SYT3: variants seen among roughly 807,000 people sequenced by gnomAD.
SYT3 encodes synaptotagmin-3.
In SYT3, 25 loss-of-function variants were observed where a neutral mutation model predicts 50.6. That is an observed-to-expected ratio of 0.49 (90% CI 0.36 to 0.69). The LOEUF (loss-of-function observed/expected upper bound fraction) is 0.69, where lower values mean the gene tolerates loss of function less well. SYT3 is among the 30% of genes least tolerant of loss of function. The pLI, the probability that SYT3 is intolerant of heterozygous loss-of-function variation, is 0.00. For missense variants in SYT3, 589 were observed against 793.6 expected, an observed-to-expected ratio of 0.74 and a Z score of 3.10; for synonymous variants, 323 against 353.9, an observed-to-expected ratio of 0.91 and a Z score of 0.98.
chr19:50,632,716 G>A lies in SYT3; in HGVS notation c.244C>T (p.Pro82Ser). The A allele has an allele frequency of 6.3e-7, 1 of 1,585,682 alleles. No individual in the cohort carries two copies. Among genetic ancestry groups the A allele is most frequent in the Non-Finnish European group, 8.6e-7 (1 of 1,167,130 alleles). Residue 82 changes from proline to serine, a missense_variant, in exon 4 of 11, where the codon CCC (proline) becomes TCC (serine). Physicochemically the swap from Pro to Ser is moderately conservative, Grantham distance 74. Coordinates refer to ENST00000600079, the MANE Select transcript of SYT3 (RefSeq NM_001160329.2). The surrounding 1 kb of genome is among the most constrained non-coding windows in gnomAD (Gnocchi z 4.7). ...GCCGAGCCTCCCTTGTCCCGCCAGG[G>A]CACCCAGCACAACTTCCAGGACACG... Reference protein sequence around the residue: ...LFVSWKLCWVPWRDKGGSAVG... With the variant: ...LFVSWKLCWVSWRDKGGSAVG...
intron 2 of SYT3, among the ~76,000 whole-genome samples, chr19:50,638,631 A>G (rs1410150766): frequency 6.6e-6 from 1 of 152,160 alleles, no homozygotes; most frequent in African/African-American, 2.4e-5. Context: ...TTGAGAGACG[A>G]GAGGACGAGA....
At position 50,630,099 on chromosome 19, in the gene SYT3, C is replaced by A. The variant is rs10407511; in HGVS notation, c.747G>T (p.Arg249=). The change falls in exon 5 of 11, where the codon CGG becomes CGT. Residue 249 remains arginine (R), a synonymous_variant. Transcript: ENST00000600079. ...TSQPDPSSEE[R]PPALPLPLPG... ...GCAGGGGTAAGGGCAGGGCAGGTGG[C>A]CGCTCCTCACTGCTGGGGTCCGGCT... 2 of 1,611,410 alleles carry A rather than the reference C, an allele frequency of 1.2e-6. No individual in the cohort carries two copies. The highest frequency in any genetic ancestry group is 1.3e-5 in the African/African-American group (1 of 74,738).
upstream of SYT3, among the ~76,000 whole-genome samples, chr19:50,644,133 A>T (rs1181958616): frequency 6.6e-6 from 1 of 152,238 alleles, no homozygotes; most frequent in Non-Finnish European, 1.5e-5. Flanking sequence ...TACCTGGCGC[A>T]TGGTAGGCAC....
the SYT3 span, among the ~76,000 whole-genome samples, chr19:50,654,449 C>T: frequency 3.9e-4 from 59 of 152,098 alleles, no homozygotes; most frequent in African/African-American, 1.4e-3. Flanking sequence ...ACTACAGGCA[C>T]ACACCAACAC....
intron 6 of SYT3, 122 bp downstream of exon 6, chr19:50,629,172 T>G (rs1568762498): frequency 1.2e-6 from 1 of 818,276 alleles, no homozygotes; most frequent in Non-Finnish European, 1.9e-6. Context: ...GTGTGATACA[T>G]TTTAACAGAA....
At chr19:50,648,536 C>T in the SYT3 span, among the ~76,000 whole-genome samples, 38 of 152,170 alleles carry the variant, frequency 2.5e-4, no homozygotes, top group Non-Finnish European at 5.3e-4. Flanking sequence ...GGATGCTGAA[C>T]AGGCACCTAC....
rs150403351 is a variant in SYT3, at chr19:50,638,013, G to A, written c.-15-587C>T. On this transcript the variant is annotated intron_variant, in intron 2 of 10. Coordinates refer to ENST00000600079, the MANE Select transcript of SYT3 (RefSeq NM_001160329.2). The stretch of plus-strand genomic sequence containing the variant: ...AGGTCCTGGAGTTCCCTGACCTCCC[G>A]GTGTCACAATCCAACGAGAGGAGAC... The A allele has an allele frequency of 9.4e-3, 1,429 of 152,564 alleles. 26 individuals are homozygous for A. The highest frequency in any genetic ancestry group is 0.032 in the African/African-American group (1,349 of 41,542). 9.5% of individuals were successfully genotyped at this position (152,564 alleles called of 1,614,324 possible).
intron 4 of SYT3, among the ~76,000 whole-genome samples, chr19:50,631,407 G>C (rs879486280): frequency 6.6e-5 from 10 of 152,086 alleles, no homozygotes; most frequent in Non-Finnish European, 1.2e-4. Flanking sequence ...CAAGTGATCT[G>C]CCCACTTCGG....
the SYT3 span, among the ~76,000 whole-genome samples, chr19:50,645,101 C>A: frequency 6.6e-6 from 1 of 152,214 alleles, no homozygotes; most frequent in Non-Finnish European, 1.5e-5. Context: ...CTGGAGAGAG[C>A]AAACACTGAG....
At chr19:50,649,221 C>G in the SYT3 span, among the ~76,000 whole-genome samples, 1 of 151,846 alleles carries the variant, frequency 6.6e-6, no homozygotes, top group Non-Finnish European at 1.5e-5. Context: ...GGAGGAAAAA[C>G]AGGGAAATGG....
upstream of SYT3, among the ~76,000 whole-genome samples, chr19:50,642,199 T>A (rs1054154468): frequency 1.3e-5 from 2 of 152,200 alleles, no homozygotes; most frequent in Non-Finnish European, 2.9e-5. Flanking sequence ...CCATGCCAAC[T>A]CTAACAGCCC....
At chr19:50,652,735 G>A in the SYT3 span, among the ~76,000 whole-genome samples, 2 of 152,138 alleles carry the variant, frequency 1.3e-5, no homozygotes, top group Non-Finnish European at 2.9e-5. Context: ...GTCCTGGGAG[G>A]GTTTTGAGGA....
chr19:50,632,230 A>G lies in SYT3; in HGVS notation c.674+56T>C. On this transcript the variant is annotated intron_variant, in intron 4 of 10. Transcript: ENST00000600079. This position sits in a 1 kb window ranked among gnomAD's most constrained non-coding sequence, Gnocchi z 4.7. ...CATAAGAGCTATAGATAGGAAAGAG[A>G]CACAGAGGAGGAGCAGAAGTTCAGA... 1 of 1,492,790 alleles carries G rather than the reference A, an allele frequency of 6.7e-7. No homozygotes were observed. The highest frequency in any genetic ancestry group is 1.4e-5 in the African/African-American group (1 of 71,422). The allele number at this position is 1,492,790 out of a possible 1,614,324, so 92.5% of individuals were successfully genotyped here. A position where few individuals can be genotyped will look rare whatever the true frequency, so the allele number is the denominator to read the frequency against.
Position 50,632,550 on chromosome 19 carries a change from G to C in SYT3, c.410C>G (p.Ala137Gly). 1 of 1,601,680 alleles carries C rather than the reference G, an allele frequency of 6.2e-7. No homozygotes were observed. The highest frequency in any genetic ancestry group is 8.5e-7 in the Non-Finnish European group (1 of 1,176,240). ...LGGPHHHAHA[A>G]HHPPFAELLE... is the part of the protein sequence containing the mutation. ...CAGCTCAGCAAAGGGTGGATGGTGGGCGGCATGGGCATGGTGGTGTGGGCC... is the reference window on the plus strand; with the variant it reads ...CAGCTCAGCAAAGGGTGGATGGTGGCCGGCATGGGCATGGTGGTGTGGGCC... Residue 137 changes from alanine (A) to glycine (G), a missense_variant, in exon 4 of 11, where the codon GCC becomes GGC. Ala to Gly is a moderately conservative substitution (Grantham distance 60, BLOSUM62 0). Coordinates refer to ENST00000600079, the MANE Select transcript of SYT3 (RefSeq NM_001160329.2). This position sits in a 1 kb window ranked among gnomAD's most constrained non-coding sequence, Gnocchi z 4.7.
Position 50,632,561 on chromosome 19 carries a change from A to G in SYT3, c.399T>C (p.His133=). The G allele has an allele frequency of 6.3e-7, 1 of 1,596,790 alleles. No homozygotes were observed. The highest frequency in any genetic ancestry group is 1.1e-5 in the South Asian group (1 of 90,496). ...AGGGTGGATGGTGGGCGGCATGGGCATGGTGGTGTGGGCCGCCCAGCAGAG... is the reference window on the plus strand; with the variant it reads ...AGGGTGGATGGTGGGCGGCATGGGCGTGGTGGTGTGGGCCGCCCAGCAGAG... ...GHPLLGGPHH[H]AHAAHHPPFA... The change falls in exon 4 of 11, where the codon CAT becomes CAC. Residue 133 remains histidine (H), a synonymous_variant. Coordinates refer to ENST00000600079, the MANE Select transcript of SYT3 (RefSeq NM_001160329.2). The surrounding 1 kb of genome is among the most constrained non-coding windows in gnomAD (Gnocchi z 4.7).
At chr19:50,629,253 G>A in intron 6 of SYT3, 41 bp downstream of exon 6, 2 of 1,520,370 alleles carry the variant, frequency 1.3e-6, no homozygotes, top group Non-Finnish European at 1.8e-6. Flanking sequence ...GGGGGTCTCA[G>A]GGCCCTGGGA....
At chr19:50,644,917 G>A in the SYT3 span, among the ~76,000 whole-genome samples, 1 of 152,034 alleles carries the variant, frequency 6.6e-6, no homozygotes. Flanking sequence ...AGGATGGTTG[G>A]GTGGATGTTG....
chr19:50,653,346 A>G, the SYT3 span, among the ~76,000 whole-genome samples: 4 of 152,170 alleles, frequency 2.6e-5, no homozygotes, highest in East Asian at 7.7e-4. Flanking sequence ...GCCACAGTGG[A>G]AAGTATTTTT....
intron 6 of SYT3, among the ~76,000 whole-genome samples, chr19:50,626,540 C>T (rs1427919727): frequency 7.3e-6 from 1 of 136,312 alleles, no homozygotes; most frequent in Non-Finnish European, 1.6e-5. Context: ...AGGACAGAGA[C>T]CCAGAGAGAG....
Sources: gnomAD v4.1 joint callset for allele counts (sites outside exome capture counted in the v4.1 genomes callset) on GRCh38, gnomAD v4.1.1 for gene constraint, Gnocchi (gnomAD v3.1) non-coding constraint, MANE v1.5 for transcripts, NCBI Gene and HGNC (gene_info 2026-07-23, HGNC 2026-07-21) for gene names.